FBN1: variants seen among roughly 807,000 people sequenced by gnomAD.
FBN1 encodes the protein fibrillin 1.
In FBN1, 29 loss-of-function variants were observed where a neutral mutation model predicts 365.1. The ratio of observed to expected loss-of-function variants is 0.08; its 90% CI spans 0.06 to 0.11. FBN1 has a LOEUF of 0.11. FBN1 is among the 10% of genes least tolerant of loss of function. The pLI is 1.00. For synonymous variants in FBN1, 1,210 were observed against 1,270.5 expected (o/e 0.95, Z 1.01); for missense variants, 2,476 against 3,703.2 (o/e 0.67, Z 8.60).
At chr15:48,550,994 G>GA (rs35621040) in intron 6 of FBN1, among the ~76,000 whole-genome samples, 5,216 of 150,920 alleles carry the variant, frequency 0.035, 114 homozygotes, top group Non-Finnish European at 0.045. Flanking sequence ...TGAATGAATG[G>GA]AGGATGCAAA....
chr15:48,456,556 T>A, intron 44 of FBN1, 81 bp downstream of exon 44: 1 of 1,363,916 alleles, frequency 7.3e-7, no homozygotes, highest in Non-Finnish European at 1.0e-6. Flanking sequence ...AATTTCAATG[T>A]TGTGAAATTC....
At position 48,487,228 on chromosome 15, in the gene FBN1, C is replaced by T. The variant is rs2043515897; in HGVS notation, c.3464-28G>A. 8 of 1,614,004 alleles carry T rather than the reference C, an allele frequency of 5.0e-6. No homozygotes were observed. In the Admixed American group the frequency reaches 6.7e-5, roughly 13 times the overall value. On this transcript the variant is annotated intron_variant, in intron 28 of 65. Coordinates refer to ENST00000316623, the MANE Select transcript of FBN1 (RefSeq NM_000138.5). The stretch of plus-strand genomic sequence containing the variant: ...GTCGGGAAAATAAGAAGAACAAACA[C>T]CCAAACATAAGCTTCCAACTTTGGC...
intron 19 of FBN1, 130 bp downstream of exon 19, chr15:48,497,136 G>T: frequency 9.8e-7 from 1 of 1,022,478 alleles, no homozygotes; most frequent in Non-Finnish European, 1.5e-6. Context: ...TATATGCTGT[G>T]CTAACATCCG....
intron 6 of FBN1, among the ~76,000 whole-genome samples, chr15:48,557,419 G>T (rs969845991): frequency 6.6e-6 from 1 of 152,150 alleles, no homozygotes. Flanking sequence ...AGTGGCAACT[G>T]GTTTCCCCTG....
At chr15:48,466,713 T>C (rs2043325727) in intron 38 of FBN1, among the ~76,000 whole-genome samples, 1 of 152,170 alleles carries the variant, frequency 6.6e-6, no homozygotes, top group Admixed American at 6.5e-5. Context: ...TGGATATCTA[T>C]TGTTTTGCTA....
chr15:48,486,518 C>G (rs966475770), intron 29 of FBN1, among the ~76,000 whole-genome samples: 7 of 152,230 alleles, frequency 4.6e-5, no homozygotes, highest in African/African-American at 1.7e-4. Context: ...TCTTGTCCCA[C>G]AAAAACCCAT....
intron 60 of FBN1, 21 bp from the exon 61 acceptor site, chr15:48,422,089 G>A (rs752748199): frequency 6.5e-7 from 1 of 1,534,000 alleles, no homozygotes; most frequent in Admixed American, 1.7e-5. Flanking sequence ...ATGCAAGAGA[G>A]GCATTTGAGT....
intron 62 of FBN1, among the ~76,000 whole-genome samples, chr15:48,421,125 G>A (rs771769233): frequency 1.3e-5 from 2 of 151,004 alleles, no homozygotes; most frequent in Non-Finnish European, 1.5e-5. Context: ...AAACCAAAAC[G>A]TGTCAAAGCC....
intron 50 of FBN1, among the ~76,000 whole-genome samples, chr15:48,441,013 A>G (rs1000676243): frequency 2.0e-5 from 3 of 152,142 alleles, no homozygotes; most frequent in Admixed American, 2.0e-4. Context: ...CTTCCCCGGA[A>G]TTCATGAAAC....
intron 2 of FBN1, among the ~76,000 whole-genome samples, chr15:48,621,141 G>A (rs1221774470): frequency 6.6e-6 from 1 of 152,176 alleles, no homozygotes; most frequent in East Asian, 1.9e-4. Context: ...GGAGAGAAAA[G>A]ACAAATCTCT....
chr15:48,543,806 G>A (rs906023649), intron 6 of FBN1, among the ~76,000 whole-genome samples: 1 of 152,192 alleles, frequency 6.6e-6, no homozygotes, highest in Admixed American at 6.5e-5. Flanking sequence ...TGACACTGCA[G>A]AATTGTTGTT....
rs779227350 is a variant in FBN1 at position 48,448,769 on chromosome 15, C to T, written c.5670G>A (p.Leu1890=). The T allele has an allele frequency of 6.2e-7, 1 of 1,612,138 alleles. No individual in the cohort carries two copies. The highest frequency in any genetic ancestry group is 8.5e-7 in the Non-Finnish European group (1 of 1,178,888). ...FKTNDDQTMC[L]DINECERDAC... ...AAATAATAATAATTGCATACTTACC[C>T]AAGCACATGGTTTGGTCATCATTTG... The change falls in exon 46 of 66, where the codon TTG becomes TTA. Residue 1890 remains leucine, a splice_region_variant and synonymous_variant. Transcript: ENST00000316623.
In FBN1 at chr15:48,468,348, T is replaced by A. The variant is rs2279235; in HGVS notation, c.4582+64A>T. 8.1e-6 allele frequency: 13 copies of A among 1,595,802 alleles called. No individual in the cohort carries two copies. In the East Asian group the frequency reaches 2.7e-4, roughly 33 times the overall value. ...TTTGCAAACTTTGAGAATGGAATGT[T>A]TGGTGCTGTTTTCAAAATAATACAC... On this transcript the variant is annotated intron_variant, in intron 37 of 65. Coordinates refer to ENST00000316623, the MANE Select transcript of FBN1 (RefSeq NM_000138.5).
At chr15:48,602,974 T>C (rs886289984) in intron 4 of FBN1, among the ~76,000 whole-genome samples, 1 of 152,214 alleles carries the variant, frequency 6.6e-6, no homozygotes, top group African/African-American at 2.4e-5. Context: ...AAGCAGTTCA[T>C]GCCAAGAGCT....
chr15:48,459,777 T>C (rs1342116698), intron 43 of FBN1, among the ~76,000 whole-genome samples: 1 of 152,238 alleles, frequency 6.6e-6, no homozygotes, highest in Non-Finnish European at 1.5e-5. Context: ...TTATTTCACA[T>C]CTGAAATTCC....
chr15:48,491,436 C>T (rs1471652828), intron 24 of FBN1, among the ~76,000 whole-genome samples: 1 of 151,916 alleles, frequency 6.6e-6, no homozygotes, highest in African/African-American at 2.4e-5. Flanking sequence ...CTGCAAGCTC[C>T]AACTCCCGGG....
At chr15:48,510,930 C>A (rs1250148807) in intron 13 of FBN1, among the ~76,000 whole-genome samples, 1 of 152,180 alleles carries the variant, frequency 6.6e-6, no homozygotes. Context: ...CTGTTTCTCT[C>A]AGTTTCTAGA....
intron 4 of FBN1, among the ~76,000 whole-genome samples, chr15:48,606,437 C>A (rs907573446): frequency 6.6e-6 from 1 of 152,180 alleles, no homozygotes; most frequent in Non-Finnish European, 1.5e-5. Context: ...CTGCAACAAC[C>A]TAGATGACTC....
intron 17 of FBN1, among the ~76,000 whole-genome samples, chr15:48,501,471 A>C (rs760418965): frequency 9.2e-5 from 14 of 152,224 alleles, no homozygotes; most frequent in Admixed American, 6.5e-5. Flanking sequence ...CAGAACTGGG[A>C]GAAATTAATG....
Sources: allele counts gnomAD v4.1 joint callset (sites outside exome capture counted in the v4.1 genomes callset), GRCh38; gene constraint gnomAD v4.1.1; transcripts MANE v1.5; gene names NCBI Gene and HGNC (gene_info 2026-07-23, HGNC 2026-07-21).